The following ABCA13 variants were observed in gnomAD, a reference collection of about 807,000 sequenced individuals.
The protein encoded by ABCA13 is ATP binding cassette subfamily A member 13.
ABCA13 carries 476 observed loss-of-function variants against 478.7 expected under a neutral mutation model. The observed-to-expected ratio is 0.99, with a 90% confidence interval of 0.92 to 1.07. ABCA13 has a LOEUF of 1.07. ABCA13 is among the 50% of genes least tolerant of loss of function. ABCA13 has a pLI of 0.00. For missense variants in ABCA13, 6,060 were observed against 5,910.6 expected (o/e 1.03, Z -0.83); for synonymous variants, 2,252 against 2,158.9 (o/e 1.04, Z -1.20).
intron 48 of ABCA13, among the ~76,000 whole-genome samples, chr7:48,494,976 G>A (rs1002119266): frequency 3.3e-5 from 5 of 151,976 alleles, no homozygotes; most frequent in Admixed American, 2.6e-4. Flanking sequence ...TAGAGGAATC[G>A]GGTATAGAAA....
intron 38 of ABCA13, among the ~76,000 whole-genome samples, chr7:48,392,615 G>C (rs1015179016): frequency 2.0e-5 from 3 of 152,148 alleles, no homozygotes; most frequent in African/African-American, 7.2e-5. Context: ...TCATGCTAAG[G>C]AGTTTGAACT....
intron 7 of ABCA13, among the ~76,000 whole-genome samples, chr7:48,232,876 A>C (rs1169730175): frequency 2.0e-5 from 3 of 152,222 alleles, no homozygotes; most frequent in Non-Finnish European, 4.4e-5. Flanking sequence ...CAGAGGCTTA[A>C]TCTAACAAGT....
At chr7:48,209,845 C>T (rs533997342) in intron 3 of ABCA13, among the ~76,000 whole-genome samples, 2 of 151,858 alleles carry the variant, frequency 1.3e-5, no homozygotes, top group African/African-American at 2.4e-5. Flanking sequence ...TCCTTTTTTG[C>T]CTCAAACTTT....
rs777720095 is a variant in ABCA13, at chr7:48,350,745, T to G, written c.10307T>G (p.Phe3436Cys). The change falls in exon 30 of 62, where the codon TTC (phenylalanine) becomes TGC (cysteine). Residue 3436 changes from phenylalanine to cysteine, a missense_variant. By Grantham distance (205) the Phe-to-Cys change is radical (BLOSUM62 -2). Around this residue, in one of 3 missense-constraint regions of ABCA13, gnomAD observed 4,423 missense variants for 4,309.1 expected, o/e 1.03. Transcript: ENST00000435803. The stretch of plus-strand genomic sequence containing the variant: ...TCTTCCTGCGTGGCACTGAACCGTT[T>G]CCAGGCTCTGCAGTCTGTCGACATC... ...NLSSCVALNRFQALQSVDILE... is the reference protein window; with the variant it reads ...NLSSCVALNRCQALQSVDILE... 1 of 1,613,954 alleles carries G rather than the reference T, an allele frequency of 6.2e-7. No homozygotes were observed. Among genetic ancestry groups the G allele is most frequent in the Non-Finnish European group, 8.5e-7 (1 of 1,179,860 alleles).
At position 48,274,779 on chromosome 7, in the gene ABCA13, G is replaced by A. The variant is rs1441783539; in HGVS notation, c.5113G>A (p.Val1705Met). The A allele has an allele frequency of 2.5e-6, 4 of 1,613,962 alleles. No individual in the cohort carries two copies. The South Asian group carries it at 4.4e-5, about 18-fold the overall frequency. ...NISSVGTGNLVVNLLVGLMEK... is the reference protein window; with the variant it reads ...NISSVGTGNLMVNLLVGLMEK... The stretch of plus-strand genomic sequence containing the variant: ...CAGTAGTGTGGGAACTGGCAATTTA[G>A]TGGTCAATTTGCTTGTTGGCTTGAT... The change falls in exon 17 of 62, where the codon GTG (valine) becomes ATG (methionine). Residue 1705 changes from valine (V) to methionine (M), a missense_variant. Val to Met is a conservative substitution (Grantham distance 21, BLOSUM62 1). Transcript: ENST00000435803.
intron 19 of ABCA13, among the ~76,000 whole-genome samples, chr7:48,283,797 A>T (rs948779697): frequency 6.6e-6 from 1 of 152,164 alleles, no homozygotes; most frequent in African/African-American, 2.4e-5. Context: ...GTCAAACATG[A>T]CTGTTAAAAC....
chr7:48,545,546 C>T (rs1784744253), intron 55 of ABCA13, among the ~76,000 whole-genome samples: 1 of 151,556 alleles, frequency 6.6e-6, no homozygotes, highest in South Asian at 2.1e-4. Flanking sequence ...GATGGTCTCA[C>T]AGCTCATATA....
At position 48,568,831 on chromosome 7, in the gene ABCA13, ATTTTCT is replaced by A. The variant is rs1170808769; in HGVS notation, c.14355-11386_14355-11381del. 2.0e-5 allele frequency among the ~76,000 whole-genome samples: 3 copies of A among 150,830 alleles called. No homozygotes were observed. The East Asian group carries it at 5.8e-4, about 29-fold the overall frequency. ...TATCTTTATTTGTGGATCTGTTTAG[ATTTTCT>A]TTTTCTCATTTGGTCACTTTCAGTA... On this transcript the variant is annotated intron_variant, in intron 55 of 61. Coordinates refer to ENST00000435803, the MANE Select transcript of ABCA13 (RefSeq NM_152701.5).
intron 2 of ABCA13, among the ~76,000 whole-genome samples, chr7:48,195,653 C>G (rs1400368705): frequency 6.6e-6 from 1 of 152,096 alleles, no homozygotes; most frequent in Non-Finnish European, 1.5e-5. Flanking sequence ...GTCGCCTAAT[C>G]AATCAGATTA....
intron 55 of ABCA13, among the ~76,000 whole-genome samples, chr7:48,557,752 A>G (rs1028468004): frequency 9.2e-5 from 14 of 152,226 alleles, no homozygotes; most frequent in Middle Eastern, 6.8e-3. Flanking sequence ...ATTAAAAGTA[A>G]TTACTTTTGG....
chr7:48,250,303 A>T (rs1268938750), intron 15 of ABCA13, among the ~76,000 whole-genome samples: 3 of 152,190 alleles, frequency 2.0e-5, no homozygotes, highest in Non-Finnish European at 4.4e-5. Flanking sequence ...TTCCTTATGT[A>T]GGCATGATAT....
At chr7:48,281,792 A>C (rs899465360) in intron 19 of ABCA13, among the ~76,000 whole-genome samples, 1 of 152,132 alleles carries the variant, frequency 6.6e-6, no homozygotes. Context: ...GTGTTCCCCC[A>C]TCTCCTTTAC....
At chr7:48,594,012 C>T (rs1015905413) in intron 57 of ABCA13, among the ~76,000 whole-genome samples, 8 of 151,760 alleles carry the variant, frequency 5.3e-5, no homozygotes, top group African/African-American at 1.5e-4. Context: ...TTGATTATTG[C>T]GTATCTCAGT....
In ABCA13 at chr7:48,216,171, T is replaced by C. The variant is rs534226316; in HGVS notation, c.288-3183T>C. Among the ~76,000 whole-genome samples, 47 of 152,320 alleles carry C rather than the reference T, an allele frequency of 3.1e-4. No individual in the cohort carries two copies. In the South Asian group the frequency reaches 9.7e-3, roughly 32 times the overall value. On this transcript the variant is annotated intron_variant, in intron 3 of 61. Coordinates refer to ENST00000435803, the MANE Select transcript of ABCA13 (RefSeq NM_152701.5). ...TCTAACATTTTGAGAAACCGTCAGA[T>C]TGTTTTTCAACGTGGCTCTACCATT... is the stretch of plus-strand genomic sequence containing the variant.
chr7:48,380,857 G>A (rs750780212), intron 35 of ABCA13, among the ~76,000 whole-genome samples: 19 of 152,040 alleles, frequency 1.2e-4, no homozygotes, highest in Non-Finnish European at 2.5e-4. Flanking sequence ...CCAATCCAGA[G>A]CCCACGCCCC....
At chr7:48,468,754 CTGATAGGT>C (rs1362344145) in intron 44 of ABCA13, among the ~76,000 whole-genome samples, 1 of 152,170 alleles carries the variant, frequency 6.6e-6, no homozygotes, top group Non-Finnish European at 1.5e-5. Context: ...TTAGATTCTA[CTGATAGGT>C]TGCTTTTCTG....
At chr7:48,570,693 G>A (rs562280306) in intron 55 of ABCA13, among the ~76,000 whole-genome samples, 8 of 151,480 alleles carry the variant, frequency 5.3e-5, no homozygotes, top group Non-Finnish European at 1.2e-4. Flanking sequence ...GCATACAGTT[G>A]GATAATTAAA....
chr7:48,517,824 A>C (rs987165513), intron 52 of ABCA13, among the ~76,000 whole-genome samples: 2 of 152,170 alleles, frequency 1.3e-5, no homozygotes, highest in African/African-American at 4.8e-5. Flanking sequence ...ATGTTTGGCC[A>C]GCTCAGGGGC....
rs751614754 is a variant in ABCA13 at position 48,580,381 on chromosome 7, C to A, written c.14505+7C>A. 1 of 1,609,262 alleles carries A rather than the reference C, an allele frequency of 6.2e-7. No individual in the cohort carries two copies. The highest frequency in any genetic ancestry group is 1.1e-5 in the South Asian group (1 of 89,900). ...AAGGCAGTGCATCCCTGAGGTAAAT[C>A]TCCCTGGGGTCTTCTAGATAAAGGG... On this transcript the variant is annotated splice_region_variant and intron_variant, in intron 56 of 61. Coordinates refer to ENST00000435803, the MANE Select transcript of ABCA13 (RefSeq NM_152701.5).
Sources: gnomAD v4.1 joint callset for allele counts (sites outside exome capture counted in the v4.1 genomes callset) on GRCh38, gnomAD v4.1.1 for gene constraint, gnomAD v4.1.1 regional missense constraint, MANE v1.5 for transcripts, NCBI Gene and HGNC (gene_info 2026-07-23, HGNC 2026-07-21) for gene names.